The following HS6ST3 variants were observed in gnomAD, a reference collection of about 807,000 sequenced individuals.
HS6ST3 encodes the protein heparan-sulfate 6-O-sulfotransferase 3.
Under a neutral mutation model 36.7 loss-of-function variants are expected in HS6ST3, and 12 were observed. The observed-to-expected ratio is 0.33, with a 90% CI of 0.21 to 0.53. HS6ST3 has a LOEUF of 0.53. Among genes scored for constraint, HS6ST3 ranks in the 20% least tolerant of loss-of-function variants. The pLI is 0.95. For synonymous variants in HS6ST3, 240 were observed against 257.5 expected, an observed-to-expected ratio of 0.93 and a Z score of 0.65; for missense variants, 584 against 640.9, an observed-to-expected ratio of 0.91 and a Z score of 0.96.
chr13:96,459,809 A>G (rs978232953), intron 1 of HS6ST3, among the ~76,000 whole-genome samples: 1 of 152,186 alleles, frequency 6.6e-6, no homozygotes, highest in African/African-American at 2.4e-5. Context: ...TTAAAATGAT[A>G]AATTGAATAA....
chr13:96,280,820 C>A (rs997853445), intron 1 of HS6ST3, among the ~76,000 whole-genome samples: 1 of 152,106 alleles, frequency 6.6e-6, no homozygotes, highest in Non-Finnish European at 1.5e-5. Context: ...AAGAGAAGTA[C>A]ATGTGACAGA....
At chr13:96,526,642 C>G (rs147223844) in intron 1 of HS6ST3, among the ~76,000 whole-genome samples, 147 of 152,282 alleles carry the variant, frequency 9.7e-4, no homozygotes, top group African/African-American at 3.4e-3. Context: ...ACCATTTTAG[C>G]AAAACTTAGG....
At chr13:96,358,817 T>C (rs542982135) in intron 1 of HS6ST3, among the ~76,000 whole-genome samples, 16 of 152,246 alleles carry the variant, frequency 1.1e-4, no homozygotes, top group African/African-American at 3.6e-4. Context: ...TTTAGGGGTA[T>C]TATGCTGTCT....
intron 1 of HS6ST3, among the ~76,000 whole-genome samples, chr13:96,308,869 A>G (rs1232099915): frequency 6.6e-6 from 1 of 152,126 alleles, no homozygotes; most frequent in African/African-American, 2.4e-5. Context: ...TTGCATACAC[A>G]TGTTGACTGA....
chr13:96,354,808 A>G (rs759220995), intron 1 of HS6ST3, among the ~76,000 whole-genome samples: 3 of 152,214 alleles, frequency 2.0e-5, no homozygotes, highest in Non-Finnish European at 4.4e-5. Context: ...TTAAAATCGA[A>G]TGAAGGAACT....
intron 1 of HS6ST3, among the ~76,000 whole-genome samples, chr13:96,393,090 T>C (rs2055404294): frequency 6.6e-6 from 1 of 152,178 alleles, no homozygotes; most frequent in Admixed American, 6.5e-5. Flanking sequence ...GAAGCCCCTT[T>C]CACTTGGCTC....
At chr13:96,599,973 G>C (rs187846195) in intron 1 of HS6ST3, among the ~76,000 whole-genome samples, 30 of 152,038 alleles carry the variant, frequency 2.0e-4, no homozygotes, top group African/African-American at 6.7e-4. Context: ...TTTCTAGTTT[G>C]GGGCCAGTGT....
intron 1 of HS6ST3, among the ~76,000 whole-genome samples, chr13:96,229,101 A>G (rs1389609457): frequency 6.6e-6 from 1 of 152,218 alleles, no homozygotes; most frequent in Non-Finnish European, 1.5e-5. Flanking sequence ...GCTCTTTTGT[A>G]TAGCCATCAA....
At chr13:96,544,786 T>C (rs2056191100) in intron 1 of HS6ST3, among the ~76,000 whole-genome samples, 1 of 152,110 alleles carries the variant, frequency 6.6e-6, no homozygotes, top group Non-Finnish European at 1.5e-5. Context: ...TGGAGCATGG[T>C]GAGTGGTAAA....
At chr13:96,240,990 T>C (rs1320155659) in intron 1 of HS6ST3, among the ~76,000 whole-genome samples, 1 of 152,208 alleles carries the variant, frequency 6.6e-6, no homozygotes, top group Non-Finnish European at 1.5e-5. Context: ...GCCTGATATA[T>C]GCCCTGGCAT....
At chr13:96,421,792 A>G (rs2055563974) in intron 1 of HS6ST3, among the ~76,000 whole-genome samples, 1 of 152,194 alleles carries the variant, frequency 6.6e-6, no homozygotes, top group East Asian at 1.9e-4. Context: ...TTGTTTGCAT[A>G]TCTATTTTCC....
intron 1 of HS6ST3, among the ~76,000 whole-genome samples, chr13:96,324,432 A>C (rs2139416719): frequency 6.6e-6 from 1 of 152,250 alleles, no homozygotes; most frequent in African/African-American, 2.4e-5. Context: ...ATAAGAGGAA[A>C]ACTGACCCCT....
At chr13:96,213,097 A>T (rs1210116181) in intron 1 of HS6ST3, among the ~76,000 whole-genome samples, 1 of 152,154 alleles carries the variant, frequency 6.6e-6, no homozygotes, top group South Asian at 2.1e-4. Context: ...TTTTTATGCA[A>T]TTTTGTACTT....
intron 1 of HS6ST3, among the ~76,000 whole-genome samples, chr13:96,644,238 T>C (rs2056580432): frequency 6.6e-6 from 1 of 152,112 alleles, no homozygotes; most frequent in South Asian, 2.1e-4. Context: ...TTTACTGCAC[T>C]TTTCCCATTT....
intron 1 of HS6ST3, among the ~76,000 whole-genome samples, chr13:96,304,754 AGGCCG>A (rs2139405818): frequency 1.4e-5 from 1 of 73,768 alleles, no homozygotes; most frequent in South Asian, 4.7e-4. Context: ...TCTGTCACCC[AGGCCG>A]GAGTTCAGTG....
At chr13:96,404,198 A>T (rs1237297395) in intron 1 of HS6ST3, among the ~76,000 whole-genome samples, 1 of 152,150 alleles carries the variant, frequency 6.6e-6, no homozygotes, top group Non-Finnish European at 1.5e-5. Flanking sequence ...CCCCCAGTTA[A>T]TTCATTTTAA....
rs141097659 is a variant in HS6ST3 at position 96,588,912 on chromosome 13, A to G, written c.708-243578A>G. On this transcript the variant is annotated intron_variant, in intron 1 of 1. Transcript: ENST00000376705. ...TAAAAGTACAAAAAATTAGCCATGC[A>G]TGGTGGCACATGCCTGTATTCCCAG... Among the ~76,000 whole-genome samples the G allele has an allele frequency of 4.0e-3, 604 of 152,124 alleles. 6 individuals are homozygous for G. The highest frequency in any genetic ancestry group is 7.0e-3 in the Admixed American group (107 of 15,268).
At chr13:96,470,708 C>G (rs1298778656) in intron 1 of HS6ST3, among the ~76,000 whole-genome samples, 1 of 152,182 alleles carries the variant, frequency 6.6e-6, no homozygotes, top group Non-Finnish European at 1.5e-5. Flanking sequence ...TCTGTCCTCA[C>G]CACTCCACTA....
At chr13:96,809,949 G>C (rs891134094) in intron 1 of HS6ST3, among the ~76,000 whole-genome samples, 1 of 152,168 alleles carries the variant, frequency 6.6e-6, no homozygotes, top group African/African-American at 2.4e-5. Context: ...GTGAATTACT[G>C]GTACTGGTAC....
Sources: allele counts gnomAD v4.1 joint callset (sites outside exome capture counted in the v4.1 genomes callset), GRCh38; gene constraint gnomAD v4.1.1; transcripts MANE v1.5; gene names NCBI Gene and HGNC (gene_info 2026-07-23, HGNC 2026-07-21).